SDK1: variants seen among roughly 807,000 people sequenced by gnomAD.
The protein encoded by SDK1 is protein sidekick-1.
In SDK1, 157 loss-of-function variants were observed where a neutral mutation model predicts 245.5. The observed-to-expected ratio is 0.64, with a 90% CI of 0.56 to 0.73. The LOEUF (loss-of-function observed/expected upper bound fraction) is 0.73, where lower values mean the gene tolerates loss of function less well. SDK1 is among the 30% of genes least tolerant of loss of function. SDK1 has a pLI of 0.00. For synonymous variants in SDK1, 1,647 were observed against 1,278.5 expected, an observed-to-expected ratio of 1.29 and a Z score of -6.15; for missense variants, 3,583 against 3,002.3, an observed-to-expected ratio of 1.19 and a Z score of -4.52.
rs144292901 is a variant in SDK1 at position 3,985,470 on chromosome 7, G to A, written c.1995-1716G>A. On this transcript the variant is annotated intron_variant, in intron 13 of 44. Coordinates refer to ENST00000404826, the MANE Select transcript of SDK1 (RefSeq NM_152744.4). ...GCATTTCCGCCTCTAATGGAGATTC[G>A]GTTATTGGAGAACTCAAATAGAAAT... Among the ~76,000 whole-genome samples, 47 of 152,232 alleles carry A rather than the reference G, an allele frequency of 3.1e-4. No individual in the cohort carries two copies. The East Asian group carries it at 4.8e-3, about 16-fold the overall frequency.
At chr7:3,638,128 A>G (rs1331817209) in intron 2 of SDK1, among the ~76,000 whole-genome samples, 5 of 152,242 alleles carry the variant, frequency 3.3e-5, no homozygotes, top group Non-Finnish European at 5.9e-5. Context: ...TCCTGTGTGC[A>G]TGGCACTGTG....
chr7:3,907,000 T>G (rs547680562), intron 5 of SDK1, among the ~76,000 whole-genome samples: 1 of 152,354 alleles, frequency 6.6e-6, no homozygotes, highest in Non-Finnish European at 1.5e-5. Context: ...CCTTTTCATT[T>G]AAAATTTCCT....
chr7:3,768,829 A>G (rs984710631), intron 4 of SDK1, among the ~76,000 whole-genome samples: 2 of 152,094 alleles, frequency 1.3e-5, no homozygotes, highest in Non-Finnish European at 2.9e-5. Flanking sequence ...CCATGACCCA[A>G]ATTGTCATTT....
At chr7:3,561,800 T>C (rs1333240105) in intron 1 of SDK1, among the ~76,000 whole-genome samples, 1 of 152,226 alleles carries the variant, frequency 6.6e-6, no homozygotes, top group Non-Finnish European at 1.5e-5. Flanking sequence ...TGAATAAATT[T>C]CTCTGAATCT....
At chr7:3,769,171 A>G (rs970122976) in intron 4 of SDK1, among the ~76,000 whole-genome samples, 2 of 152,180 alleles carry the variant, frequency 1.3e-5, no homozygotes, top group Non-Finnish European at 2.9e-5. Flanking sequence ...GTTTCCCACA[A>G]TGGTGATTGT....
At chr7:4,214,438 TG>T (rs756617898) in intron 38 of SDK1, among the ~76,000 whole-genome samples, 2 of 152,236 alleles carry the variant, frequency 1.3e-5, no homozygotes, top group Non-Finnish European at 2.9e-5. Context: ...TTGTCTCTTT[TG>T]TCTGTTGCGA....
intron 35 of SDK1, among the ~76,000 whole-genome samples, chr7:4,188,934 C>T (rs1389994672): frequency 6.6e-6 from 1 of 152,134 alleles, no homozygotes; most frequent in Non-Finnish European, 1.5e-5. Flanking sequence ...ACTTCTAAAG[C>T]TTTCATTTAC....
intron 35 of SDK1, among the ~76,000 whole-genome samples, chr7:4,203,593 G>A (rs1285754655): frequency 6.6e-6 from 1 of 151,878 alleles, no homozygotes; most frequent in African/African-American, 2.4e-5. Context: ...ATGCTAAGGT[G>A]GGAAAACAAA....
intron 7 of SDK1, among the ~76,000 whole-genome samples, chr7:3,954,772 T>A (rs187419959): frequency 7.9e-5 from 12 of 151,020 alleles, no homozygotes; most frequent in Admixed American, 2.6e-4. Context: ...CAGCTCATAT[T>A]GTGAAGGTTA....
chr7:3,377,331 A>G (rs1345164165), intron 1 of SDK1, among the ~76,000 whole-genome samples: 1 of 152,136 alleles, frequency 6.6e-6, no homozygotes, highest in Non-Finnish European at 1.5e-5. Flanking sequence ...GACTAGGTTA[A>G]TTAATACTGC....
At chr7:3,593,142 A>G (rs902139475) in intron 1 of SDK1, among the ~76,000 whole-genome samples, 2 of 152,222 alleles carry the variant, frequency 1.3e-5, no homozygotes, top group African/African-American at 4.8e-5. Context: ...GTTAGGTACT[A>G]TTTGAAGGAG....
At chr7:4,092,118 C>T (rs1781845323) in intron 22 of SDK1, among the ~76,000 whole-genome samples, 1 of 152,204 alleles carries the variant, frequency 6.6e-6, no homozygotes, top group African/African-American at 2.4e-5. Context: ...TCTTTTAGGT[C>T]ATGTTCTTTA....
chr7:3,505,028 T>G (rs1006392014), intron 1 of SDK1, among the ~76,000 whole-genome samples: 1 of 152,214 alleles, frequency 6.6e-6, no homozygotes, highest in Non-Finnish European at 1.5e-5. Context: ...ACTCCTGATG[T>G]TTCATTTCAT....
At chr7:4,187,722 A>C (rs567971301) in intron 35 of SDK1, among the ~76,000 whole-genome samples, 1 of 152,344 alleles carries the variant, frequency 6.6e-6, no homozygotes, top group East Asian at 1.9e-4. Flanking sequence ...CACCAGTCCA[A>C]AGGTGGTTTG....
intron 3 of SDK1, among the ~76,000 whole-genome samples, chr7:3,641,122 A>G (rs942649103): frequency 1.3e-5 from 2 of 152,106 alleles, no homozygotes; most frequent in African/African-American, 4.8e-5. Context: ...AGACACTGTC[A>G]CATAGAAAAT....
chr7:4,075,108 A>AC (rs1211617485), intron 20 of SDK1, among the ~76,000 whole-genome samples: 1 of 150,960 alleles, frequency 6.6e-6, no homozygotes. Context: ...CCAGGCAGAG[A>AC]CCCCAAAGGC....
At chr7:3,807,765 A>T (rs528846661) in intron 4 of SDK1, among the ~76,000 whole-genome samples, 1 of 152,122 alleles carries the variant, frequency 6.6e-6, no homozygotes, top group Non-Finnish European at 1.5e-5. Flanking sequence ...ACAGGCTGGG[A>T]GGCTGGGTTA....
At chr7:3,651,926 G>A (rs1476400239) in intron 4 of SDK1, among the ~76,000 whole-genome samples, 1 of 152,136 alleles carries the variant, frequency 6.6e-6, no homozygotes, top group Non-Finnish European at 1.5e-5. Context: ...TCCCAAGTCG[G>A]GGAGACAGGA....
chr7:3,459,677 G>A (rs775792538), intron 1 of SDK1, among the ~76,000 whole-genome samples: 1 of 152,124 alleles, frequency 6.6e-6, no homozygotes, highest in South Asian at 2.1e-4. Context: ...TTGCTTCGTC[G>A]CATATTGTTG....
Sources: gnomAD v4.1 joint callset for allele counts (sites outside exome capture counted in the v4.1 genomes callset) on GRCh38, gnomAD v4.1.1 for gene constraint, MANE v1.5 for transcripts, NCBI Gene and HGNC (gene_info 2026-07-23, HGNC 2026-07-21) for gene names.